The following SLC8A2 variants were observed in gnomAD, a reference collection of about 807,000 sequenced individuals.
The protein encoded by SLC8A2 is sodium/calcium exchanger 2.
SLC8A2 carries 14 observed loss-of-function variants against 70.2 expected under a neutral mutation model. The observed-to-expected ratio is 0.20, with a 90% CI of 0.13 to 0.31. SLC8A2 has a LOEUF of 0.31. Ranked by LOEUF, SLC8A2 falls within the 10% of genes least tolerant of loss-of-function variation. SLC8A2 has a pLI of 1.00. For synonymous variants in SLC8A2, 575 were observed against 594.3 expected, an observed-to-expected ratio of 0.97 and a Z score of 0.47; for missense variants, 779 against 1,320.1, an observed-to-expected ratio of 0.59 and a Z score of 6.35.
rs564465961 is a variant in SLC8A2 at position 47,457,010 on chromosome 19, G to A, written c.1260C>T (p.Gly420=). 131 of 1,612,354 alleles carry A rather than the reference G, an allele frequency of 8.1e-5. 2 individuals carry two copies. The South Asian group carries it at 1.1e-3, about 14-fold the overall frequency. ...CGTAGAAGGTGCTGTTGCCCTCGCC[G>A]CCCTGGCACGTGACGGACAGCAGCA... The part of the protein sequence containing the change: ...GSVLLSVTCQ[G]GEGNSTFYVD... The change falls in exon 3 of 10, where the codon GGC becomes GGT. Residue 420 remains glycine (G), a synonymous_variant. Coordinates refer to ENST00000236877, the MANE Select transcript of SLC8A2 (RefSeq NM_015063.3).
chr19:47,430,164 C>G lies in SLC8A2; in HGVS notation c.2691G>C (p.Ala897=). ...ACAGGAGCCAGAGGCCCAGGAAGAG[C>G]GCGGTGGTGGCGAGCTTGGGTCCGC... The part of the protein sequence containing the change: ...GPRGPKLATT[A]LFLGLWLLYI... The change falls in exon 10 of 10, where the codon GCG becomes GCC. Residue 897 remains alanine (A), a synonymous_variant. Coordinates refer to ENST00000236877, the MANE Select transcript of SLC8A2 (RefSeq NM_015063.3). This position sits in a 1 kb window ranked among gnomAD's most constrained non-coding sequence, Gnocchi z 5.9. 1.3e-6 allele frequency: 2 copies of G among 1,597,558 alleles called. No individual in the cohort carries two copies. Among genetic ancestry groups the G allele is most frequent in the Non-Finnish European group, 1.7e-6 (2 of 1,172,128 alleles).
chr19:47,471,069 A>G (rs1005703128), intron 1 of SLC8A2, among the ~76,000 whole-genome samples: 8 of 151,420 alleles, frequency 5.3e-5, no homozygotes, highest in African/African-American at 1.9e-4. Context: ...GAGGAAAGAG[A>G]GAGAGAAACA....
rs1017185581 is a variant in SLC8A2 at position 47,466,496 on chromosome 19, G to A, written c.-16-77C>T. The A allele has an allele frequency of 6.0e-5, 36 of 595,206 alleles. 1 individual carries two copies. In the South Asian group the frequency reaches 7.2e-4, roughly 12 times the overall value. 36.9% of individuals were successfully genotyped at this position (595,206 alleles called of 1,614,324 possible). A position where few individuals can be genotyped will look rare whatever the true frequency, so the allele number is the denominator to read the frequency against. On this transcript the variant is annotated intron_variant, in intron 1 of 9. Transcript: ENST00000236877. The surrounding 1 kb of genome is among the most constrained non-coding windows in gnomAD (Gnocchi z 6.9). ...CATACAAAGGTCAAAGCTCACTGGG[G>A]AAGGAGGGTTGGGGGAGAAGCTGAG...
At chr19:47,449,273 A>G (rs908046097) in intron 3 of SLC8A2, among the ~76,000 whole-genome samples, 8 of 152,098 alleles carry the variant, frequency 5.3e-5, no homozygotes, top group Non-Finnish European at 1.0e-4. Flanking sequence ...GACCTGAAGG[A>G]GGGGAGGGAG....
intron 1 of SLC8A2, among the ~76,000 whole-genome samples, chr19:47,470,717 CGAGGAAGACTGGGGAGGTTAGATTGAAGG>C (rs1183966446): frequency 6.6e-6 from 1 of 152,182 alleles, no homozygotes; most frequent in Non-Finnish European, 1.5e-5. Context: ...TCCAGTTACA[CGAGGAAGACTGGGGAGGTTAGATTGAAGG>C]GAGGTCTGGT....
At chr19:47,471,229 AAGGGAGAGAGGCAGAGACAC>A (rs1213357065) in intron 1 of SLC8A2, among the ~76,000 whole-genome samples, 1 of 151,840 alleles carries the variant, frequency 6.6e-6, no homozygotes, top group Non-Finnish European at 1.5e-5. Flanking sequence ...AAGCTGAGAC[AAGGGAGAGAGGCAGAGACAC>A]AGAGACACAG....
intron 3 of SLC8A2, among the ~76,000 whole-genome samples, chr19:47,449,299 A>G (rs927368949): frequency 2.0e-5 from 3 of 151,964 alleles, no homozygotes; most frequent in South Asian, 4.1e-4. Context: ...CATAGGGAGG[A>G]TGCCTGGAAA....
At chr19:47,459,657 CCTT>C (rs781157816) in intron 2 of SLC8A2, among the ~76,000 whole-genome samples, 167 of 148,524 alleles carry the variant, frequency 1.1e-3, no homozygotes, top group African/African-American at 1.5e-3. Flanking sequence ...GTGTGTGTGT[CCTT>C]CTGTGTGTGT....
intron 8 of SLC8A2, among the ~76,000 whole-genome samples, chr19:47,433,653 C>CT (rs111488062): frequency 0.039 from 5,702 of 144,418 alleles, 117 homozygotes; most frequent in Non-Finnish European, 0.057. Flanking sequence ...CCTGCAGTGA[C>CT]TTTTTTTTTT....
chr19:47,436,382 C>T (rs1256484532), intron 8 of SLC8A2, among the ~76,000 whole-genome samples: 3 of 152,186 alleles, frequency 2.0e-5, no homozygotes, highest in Non-Finnish European at 4.4e-5. Context: ...ACTTCTGTGT[C>T]CCTGGCAATG....
At chr19:47,469,909 T>A (rs1454208768) in intron 1 of SLC8A2, among the ~76,000 whole-genome samples, 1 of 152,212 alleles carries the variant, frequency 6.6e-6, no homozygotes, top group Non-Finnish European at 1.5e-5. Flanking sequence ...CTGCCTCACG[T>A]GCCTCTTAGG....
At position 47,448,451 on chromosome 19, in the gene SLC8A2, C is replaced by T. The variant is rs1967197260; in HGVS notation, c.1341-220G>A. 6.6e-6 allele frequency among the ~76,000 whole-genome samples: 1 copy of T among 152,050 alleles called. No individual in the cohort carries two copies. The highest frequency in any genetic ancestry group is 2.4e-5 in the African/African-American group (1 of 41,402). Reference sequence around the variant, plus strand: ...AGAGCGGGAACAAGACAGAGTGGGCCCCTCCCCGCGTGGAACTCGTGAAGA... The same window carrying T: ...AGAGCGGGAACAAGACAGAGTGGGCTCCTCCCCGCGTGGAACTCGTGAAGA... On this transcript the variant is annotated intron_variant, in intron 3 of 9. Transcript: ENST00000236877. The surrounding 1 kb of genome is among the most constrained non-coding windows in gnomAD (Gnocchi z 4.8).
chr19:47,471,134 GGAGAGA>G (rs146864248), intron 1 of SLC8A2, among the ~76,000 whole-genome samples: 11 of 146,300 alleles, frequency 7.5e-5, no homozygotes, highest in African/African-American at 1.3e-4. Flanking sequence ...GGGGAGGGAG[GGAGAGA>G]GAGAGAGAGA....
At chr19:47,453,814 A>G (rs995968291) in intron 3 of SLC8A2, among the ~76,000 whole-genome samples, 1 of 152,130 alleles carries the variant, frequency 6.6e-6, no homozygotes, top group African/African-American at 2.4e-5. Flanking sequence ...AGTCCCAGCT[A>G]TATTGGAGGC....
chr19:47,456,887 C>T (rs775543344), intron 3 of SLC8A2, 43 bp downstream of exon 3: 3 of 1,519,080 alleles, frequency 2.0e-6, no homozygotes, highest in East Asian at 4.8e-5. Context: ...GGACCCACGG[C>T]CTGCGCCAGC....
Position 47,430,377 on chromosome 19 carries a change from C to G in SLC8A2, c.2478G>C (p.Val826=), listed in dbSNP as rs917280918. ...GNVTGSNAVN[V]FLGLGVAWSV... ...ACCAGGCGACGCCCAGGCCAAGGAA[C>G]ACGTTCACCGCGTTGGAGCCGGTCA... Residue 826 remains valine, a synonymous_variant, in exon 10 of 10, where the codon GTG becomes GTC. Transcript: ENST00000236877. The surrounding 1 kb of genome is among the most constrained non-coding windows in gnomAD (Gnocchi z 5.9). The G allele has an allele frequency of 6.2e-6, 10 of 1,611,560 alleles. No individual in the cohort carries two copies. In the African/African-American group the frequency reaches 1.3e-4, roughly 22 times the overall value.
intron 2 of SLC8A2, among the ~76,000 whole-genome samples, chr19:47,464,237 G>C (rs1464783714): frequency 6.6e-6 from 1 of 151,942 alleles, no homozygotes; most frequent in Non-Finnish European, 1.5e-5. Flanking sequence ...TCAGCCTCCC[G>C]AGTAGCTGGG....
chr19:47,442,980 G>T (rs1041692238), intron 4 of SLC8A2, among the ~76,000 whole-genome samples: 3 of 152,030 alleles, frequency 2.0e-5, no homozygotes, highest in Non-Finnish European at 4.4e-5. Flanking sequence ...ATGGCACCTG[G>T]CCTGTCTTCT....
At chr19:47,471,542 C>A (rs868069395) in intron 1 of SLC8A2, among the ~76,000 whole-genome samples, 3 of 151,950 alleles carry the variant, frequency 2.0e-5, no homozygotes, top group Non-Finnish European at 2.9e-5. Context: ...GGGGTGTCCT[C>A]GCCCCCCAGT....
Sources: allele counts gnomAD v4.1 joint callset (sites outside exome capture counted in the v4.1 genomes callset), GRCh38; gene constraint gnomAD v4.1.1; non-coding constraint Gnocchi (gnomAD v3.1); transcripts MANE v1.5; gene names NCBI Gene and HGNC (gene_info 2026-07-23, HGNC 2026-07-21).